NCOR2: variants seen among roughly 807,000 people sequenced by gnomAD.
NCOR2 encodes CTG repeat protein 26.
A neutral mutation model predicts 262.9 loss-of-function variants in NCOR2; 81 were observed. That is an observed-to-expected ratio of 0.31 (90% CI 0.26 to 0.37). The LOEUF is 0.37. NCOR2 is among the 10% of genes least tolerant of loss of function. NCOR2 has a pLI of 1.00. For missense variants in NCOR2, 3,385 were observed against 3,621.4 expected (o/e 0.93, Z 1.68); for synonymous variants, 1,659 against 1,559.3 (o/e 1.06, Z -1.51).
intron 1 of NCOR2, among the ~76,000 whole-genome samples, chr12:124,501,542 C>T (rs149992797): frequency 2.5e-4 from 38 of 152,234 alleles, no homozygotes; most frequent in East Asian, 1.4e-3. Context: ...CTGGTGGCCC[C>T]GGCAACCCCC....
chr12:124,461,999 C>T (rs781212306), intron 5 of NCOR2, among the ~76,000 whole-genome samples: 2 of 152,196 alleles, frequency 1.3e-5, no homozygotes, highest in African/African-American at 4.8e-5. Flanking sequence ...CACACATGCC[C>T]GCATACACAC....
chr12:124,559,109 C>T (rs1294343084), intron 1 of NCOR2, among the ~76,000 whole-genome samples: 5 of 152,222 alleles, frequency 3.3e-5, no homozygotes, highest in Non-Finnish European at 7.3e-5. Context: ...CCAGTGGTGA[C>T]TGGTCACCCG....
chr12:124,502,428 G>C (rs2048796063), intron 1 of NCOR2, among the ~76,000 whole-genome samples: 1 of 152,210 alleles, frequency 6.6e-6, no homozygotes, highest in Non-Finnish European at 1.5e-5. Flanking sequence ...AACAGAACCA[G>C]GAGGCGGCAG....
intron 1 of NCOR2, among the ~76,000 whole-genome samples, chr12:124,524,135 A>G (rs770445394): frequency 1.3e-5 from 2 of 152,234 alleles, no homozygotes; most frequent in South Asian, 2.1e-4. Flanking sequence ...AAGAGGCTAT[A>G]AAATGGTGAC....
intron 1 of NCOR2, among the ~76,000 whole-genome samples, chr12:124,560,777 G>A (rs958795631): frequency 3.3e-5 from 5 of 152,076 alleles, no homozygotes; most frequent in Admixed American, 1.3e-4. Flanking sequence ...AGACTTTTAC[G>A]CAATGTGTTA....
intron 16 of NCOR2, among the ~76,000 whole-genome samples, chr12:124,392,463 C>CTAT (rs2041375687): frequency 6.6e-6 from 1 of 152,182 alleles, no homozygotes; most frequent in Non-Finnish European, 1.5e-5. Context: ...CGAGGCACCG[C>CTAT]ACCGTCCCTG....
chr12:124,545,476 A>T (rs1317517160), intron 1 of NCOR2, among the ~76,000 whole-genome samples: 3 of 152,096 alleles, frequency 2.0e-5, no homozygotes, highest in Non-Finnish European at 2.9e-5. Context: ...CCTGGTGTCC[A>T]CACCCAATCC....
In NCOR2 at chr12:124,454,666, A is replaced by T. The variant is rs1363356372; in HGVS notation, c.762+2440T>A. On this transcript the variant is annotated intron_variant, in intron 6 of 46. Transcript: ENST00000405201. This position sits in a 1 kb window ranked among gnomAD's most constrained non-coding sequence, Gnocchi z 5.6. ...CATCCCTATTTGGCAGAAAAGGAGA[A>T]ACCGAGGCAAGAGGCAGCTTACTGG... 6.6e-6 allele frequency among the ~76,000 whole-genome samples: 1 copy of T among 152,220 alleles called. No homozygotes were observed. The highest frequency in any genetic ancestry group is 6.5e-5 in the Admixed American group (1 of 15,292).
At chr12:124,380,057 G>C (rs1015895233) in intron 17 of NCOR2, among the ~76,000 whole-genome samples, 1 of 152,228 alleles carries the variant, frequency 6.6e-6, no homozygotes, top group African/African-American at 2.4e-5. Context: ...CCGGTCTGTG[G>C]TACTTCCTTG....
chr12:124,336,633 T>C, intron 38 of NCOR2, 120 bp downstream of exon 40: 1 of 1,504,888 alleles, frequency 6.6e-7, no homozygotes, highest in South Asian at 1.3e-5. Context: ...GGGCCGGAAG[T>C]CTTACCATCG....
intron 1 of NCOR2, among the ~76,000 whole-genome samples, chr12:124,501,732 C>T (rs1288777807): frequency 6.6e-6 from 1 of 152,222 alleles, no homozygotes; most frequent in Non-Finnish European, 1.5e-5. Flanking sequence ...TGCAAAAACC[C>T]TTTCCAAACA....
chr12:124,488,890 G>A (rs1452465903), intron 1 of NCOR2, among the ~76,000 whole-genome samples: 1 of 152,076 alleles, frequency 6.6e-6, no homozygotes, highest in Non-Finnish European at 1.5e-5. Flanking sequence ...GGCTGGGGAG[G>A]CCTCTGCATG....
chr12:124,557,017 A>T (rs1470716558), intron 1 of NCOR2, among the ~76,000 whole-genome samples: 1 of 152,246 alleles, frequency 6.6e-6, no homozygotes, highest in Non-Finnish European at 1.5e-5. Flanking sequence ...AGAGCGGGCA[A>T]GGGGAGCAGG....
chr12:124,436,860 G>A (rs919441867), intron 8 of NCOR2, among the ~76,000 whole-genome samples: 2 of 152,200 alleles, frequency 1.3e-5, no homozygotes, highest in East Asian at 1.9e-4. Context: ...GGCCGAGGCG[G>A]GTGCATCACC....
At position 124,362,311 on chromosome 12, in the gene NCOR2, G is replaced by T; in HGVS notation, c.2929-14C>A. On this transcript the variant is annotated splice_polypyrimidine_tract_variant and intron_variant, in intron 21 of 46. Coordinates refer to ENST00000405201, the Ensembl canonical transcript of NCOR2. The stretch of plus-strand genomic sequence containing the variant: ...TTTGGTGACCTGCTGAGGGAAGCAG[G>T]CAGAAGTGAGCATTCACAGAGGGTG... 8 of 1,332,482 alleles carry T rather than the reference G, an allele frequency of 6.0e-6. No individual in the cohort carries two copies. Among genetic ancestry groups the T allele is most frequent in the Admixed American group, 2.9e-5 (1 of 34,250 alleles). 82.5% of individuals were successfully genotyped at this position (1,332,482 alleles called of 1,614,324 possible).
chr12:124,346,573 G>A (rs1395544005), exon 31 of NCOR2: 13 of 1,556,392 alleles, frequency 8.4e-6, no homozygotes, highest in Non-Finnish European at 1.0e-5. Flanking sequence ...CCTGCGTGAT[G>A]GAGCCCTCCT....
chr12:124,512,920 C>T (rs1252975915), intron 1 of NCOR2, among the ~76,000 whole-genome samples: 1 of 152,240 alleles, frequency 6.6e-6, no homozygotes, highest in African/African-American at 2.4e-5. Flanking sequence ...TGAAGCAGCT[C>T]ATCGAGGGGG....
At chr12:124,475,539 C>T (rs1394631168) in intron 3 of NCOR2, among the ~76,000 whole-genome samples, 2 of 152,216 alleles carry the variant, frequency 1.3e-5, no homozygotes, top group African/African-American at 2.4e-5. Flanking sequence ...GTCTCATCTA[C>T]TCACCCCTGC....
chr12:124,377,456 G>A (rs1367203032), intron 18 of NCOR2, among the ~76,000 whole-genome samples: 3 of 152,226 alleles, frequency 2.0e-5, no homozygotes, highest in Non-Finnish European at 4.4e-5. Context: ...AGGAGACACT[G>A]AAAATAACTA....
Sources: allele counts gnomAD v4.1 joint callset (sites outside exome capture counted in the v4.1 genomes callset), GRCh38; gene constraint gnomAD v4.1.1; non-coding constraint Gnocchi (gnomAD v3.1); transcripts MANE v1.5; gene names NCBI Gene and HGNC (gene_info 2026-07-23, HGNC 2026-07-21).